The following SCN9A variants were observed in gnomAD, a reference collection of about 807,000 sequenced individuals.
SCN9A encodes the protein sodium voltage-gated channel alpha subunit 9.
A neutral mutation model predicts 187.0 loss-of-function variants in SCN9A; 131 were observed. The ratio of observed to expected loss-of-function variants is 0.70; its 90% CI spans 0.61 to 0.81. The LOEUF is 0.81. SCN9A is among the 30% of genes least tolerant of loss of function. The probability of loss-of-function intolerance (pLI) is 0.00; values close to 1 mark genes in which losing one functional copy is unlikely to be tolerated. For synonymous variants in SCN9A, 809 were observed against 808.6 expected (o/e 1.00, Z -0.01); for missense variants, 2,252 against 2,396.6 (o/e 0.94, Z 1.26).
chr2:166,251,265 C>T (rs544660382), intron 18 of SCN9A, among the ~76,000 whole-genome samples: 1 of 151,946 alleles, frequency 6.6e-6, no homozygotes, highest in Non-Finnish European at 1.5e-5. Flanking sequence ...AGAAAAAATA[C>T]TCATTAAAGA....
At chr2:166,336,808 T>C (rs1241044173) in intron 1 of SCN9A, among the ~76,000 whole-genome samples, 2 of 152,120 alleles carry the variant, frequency 1.3e-5, no homozygotes, top group Admixed American at 6.6e-5. Flanking sequence ...GCTTTGGTAC[T>C]CCTTTTATAG....
At chr2:166,334,272 A>G (rs888252156) in intron 1 of SCN9A, among the ~76,000 whole-genome samples, 1 of 152,138 alleles carries the variant, frequency 6.6e-6, no homozygotes, top group African/African-American at 2.4e-5. Flanking sequence ...GAGTCTGAAC[A>G]GAATAAATGC....
At chr2:166,222,523 G>A (rs1694631744) in intron 24 of SCN9A, among the ~76,000 whole-genome samples, 1 of 152,078 alleles carries the variant, frequency 6.6e-6, no homozygotes, top group Non-Finnish European at 1.5e-5. Flanking sequence ...AGCTACTTGG[G>A]AAGCTGAGGC....
intron 1 of SCN9A, among the ~76,000 whole-genome samples, chr2:166,353,776 A>G (rs1330276778): frequency 6.6e-6 from 1 of 152,030 alleles, no homozygotes; most frequent in East Asian, 1.9e-4. Flanking sequence ...CTAAATGCGG[A>G]TTTTTATCCT....
intron 24 of SCN9A, among the ~76,000 whole-genome samples, chr2:166,223,371 T>TACAC (rs141123431): frequency 6.6e-6 from 1 of 151,204 alleles, no homozygotes; most frequent in Non-Finnish European, 1.5e-5. Context: ...CGTGTGCACG[T>TACAC]ACACACACAC....
intron 24 of SCN9A, among the ~76,000 whole-genome samples, chr2:166,212,623 G>T (rs1356174828): frequency 6.6e-6 from 1 of 152,138 alleles, no homozygotes; most frequent in Non-Finnish European, 1.5e-5. Flanking sequence ...TTTGAACAAC[G>T]CTATAGACCA....
chr2:166,236,714 C>T (rs1257497469), intron 20 of SCN9A, among the ~76,000 whole-genome samples: 2 of 152,232 alleles, frequency 1.3e-5, no homozygotes, highest in Non-Finnish European at 1.5e-5. Context: ...TGAGCTACCG[C>T]GCCTGGCCAG....
chr2:166,304,941 A>G (rs934414475), intron 5 of SCN9A, among the ~76,000 whole-genome samples: 1 of 152,108 alleles, frequency 6.6e-6, no homozygotes, highest in Non-Finnish European at 1.5e-5. Context: ...TAGGAAAAAA[A>G]GGAGACCTAT....
At chr2:166,371,596 C>A (rs1432125769) in intron 1 of SCN9A, among the ~76,000 whole-genome samples, 1 of 152,170 alleles carries the variant, frequency 6.6e-6, no homozygotes, top group Admixed American at 6.5e-5. Flanking sequence ...TACCCACATT[C>A]TCTGGATGCT....
chr2:166,271,317 T>C lies in SCN9A; in HGVS notation c.3351+1082A>G, dbSNP rs74676486. Among the ~76,000 whole-genome samples, 5 of 152,254 alleles carry C rather than the reference T, an allele frequency of 3.3e-5. No homozygotes were observed. In the East Asian group the frequency reaches 9.7e-4, roughly 30 times the overall value. ...ATTTTACATGTATTAACGTGTTAAT[T>C]CATTTAACCCTGACCCAACTGCGAT... On this transcript the variant is annotated intron_variant, in intron 17 of 26. Transcript: ENST00000642356.
intron 21 of SCN9A, among the ~76,000 whole-genome samples, chr2:166,230,625 A>G (rs1293274480): frequency 6.6e-6 from 1 of 151,926 alleles, no homozygotes; most frequent in Non-Finnish European, 1.5e-5. Flanking sequence ...CTGAAATGTC[A>G]CCTCCTTGTG....
At chr2:166,372,314 G>A (rs1311025363) in intron 1 of SCN9A, among the ~76,000 whole-genome samples, 1 of 152,122 alleles carries the variant, frequency 6.6e-6, no homozygotes, top group Non-Finnish European at 1.5e-5. Context: ...TAGACCGTGT[G>A]GAAACCTAAC....
intron 7 of SCN9A, among the ~76,000 whole-genome samples, chr2:166,299,320 CT>C (rs1464710964): frequency 6.6e-6 from 1 of 150,682 alleles, no homozygotes; most frequent in Non-Finnish European, 1.5e-5. Flanking sequence ...CTTTTCACCC[CT>C]GTATGCACCT....
At chr2:166,339,334 A>G (rs1434021873) in intron 1 of SCN9A, among the ~76,000 whole-genome samples, 1 of 152,172 alleles carries the variant, frequency 6.6e-6, no homozygotes, top group East Asian at 1.9e-4. Flanking sequence ...TATATAATGT[A>G]TCACAGAAAA....
chr2:166,306,858 T>C (rs770963601), intron 3 of SCN9A, 98 bp downstream of exon 3: 6 of 685,852 alleles, frequency 8.7e-6, no homozygotes, highest in Non-Finnish European at 1.5e-5. Context: ...AAAACCAGAG[T>C]CTTTCAAGGT....
intron 1 of SCN9A, among the ~76,000 whole-genome samples, chr2:166,331,109 ATAAT>A (rs892170992): frequency 1.3e-5 from 2 of 152,228 alleles, no homozygotes; most frequent in Non-Finnish European, 2.9e-5. Flanking sequence ...TGTATTAAAA[ATAAT>A]TAACCAATAC....
chr2:166,241,128 A>G (rs1188019561), intron 19 of SCN9A, among the ~76,000 whole-genome samples: 2 of 152,152 alleles, frequency 1.3e-5, no homozygotes, highest in South Asian at 2.1e-4. Context: ...CTATTAGCAT[A>G]TAAGTACAGT....
chr2:166,235,219 G>A lies in SCN9A; in HGVS notation c.3802-1757C>T, dbSNP rs1695261840. Among the ~76,000 whole-genome samples the A allele has an allele frequency of 1.3e-5, 2 of 152,092 alleles. 1 individual carries two copies. Among genetic ancestry groups the A allele is most frequent in the Admixed American group, 1.3e-4 (2 of 15,276 alleles). The stretch of plus-strand genomic sequence containing the variant: ...GATACAGCCCCTAAAATACTAATAG[G>A]TCTGTTCTCCAAGCCACTGTTAAGT... On this transcript the variant is annotated intron_variant, in intron 20 of 26. Coordinates refer to ENST00000642356, the MANE Select transcript of SCN9A (RefSeq NM_001365536.1).
intron 1 of SCN9A, among the ~76,000 whole-genome samples, chr2:166,345,609 G>C (rs1473198783): frequency 1.3e-5 from 2 of 151,906 alleles, no homozygotes; most frequent in Non-Finnish European, 2.9e-5. Flanking sequence ...AATTAATAGA[G>C]GACAAAACAA....
Sources: gnomAD v4.1 joint callset for allele counts (sites outside exome capture counted in the v4.1 genomes callset) on GRCh38, gnomAD v4.1.1 for gene constraint, MANE v1.5 for transcripts, NCBI Gene and HGNC (gene_info 2026-07-23, HGNC 2026-07-21) for gene names.